TCF7L2: variants seen among roughly 807,000 people sequenced by gnomAD.
TCF7L2 encodes transcription factor 7 like 2.
A neutral mutation model predicts 77.9 loss-of-function variants in TCF7L2; 23 were observed. The ratio of observed to expected loss-of-function variants is 0.30; its 90% CI spans 0.21 to 0.42. The LOEUF (loss-of-function observed/expected upper bound fraction) is 0.42, where lower values mean the gene tolerates loss of function less well. TCF7L2 is among the 10% of genes least tolerant of loss of function. The probability of loss-of-function intolerance (pLI) is 1.00; values close to 1 mark genes in which losing one functional copy is unlikely to be tolerated. For missense variants in TCF7L2, 654 were observed against 793.1 expected, an observed-to-expected ratio of 0.82 and a Z score of 2.11; for synonymous variants, 413 against 340.2, an observed-to-expected ratio of 1.21 and a Z score of -2.36.
intron 5 of TCF7L2, among the ~76,000 whole-genome samples, chr10:113,088,280 C>T (rs754717584): frequency 1.3e-5 from 2 of 152,116 alleles, no homozygotes; most frequent in Non-Finnish European, 2.9e-5. Flanking sequence ...TGGGTCTCTA[C>T]AGCAGGCACC....
chr10:113,155,046 A>G (rs1411967116), intron 11 of TCF7L2, among the ~76,000 whole-genome samples: 1 of 151,844 alleles, frequency 6.6e-6, no homozygotes, highest in African/African-American at 2.4e-5. Flanking sequence ...TGGTCATTGT[A>G]AACTCCAAAA....
intron 4 of TCF7L2, among the ~76,000 whole-genome samples, chr10:113,029,675 C>T (rs1389902569): frequency 2.0e-5 from 3 of 151,912 alleles, no homozygotes; most frequent in African/African-American, 4.8e-5. Context: ...TACAGGCATG[C>T]GCCACCACGT....
intron 8 of TCF7L2, among the ~76,000 whole-genome samples, chr10:113,148,014 A>T (rs996357190): frequency 6.6e-6 from 1 of 152,222 alleles, no homozygotes; most frequent in African/African-American, 2.4e-5. Context: ...ATGGGGCGAC[A>T]GAAGTATAGG....
chr10:113,098,304 G>A (rs1455299542), intron 5 of TCF7L2, among the ~76,000 whole-genome samples: 2 of 151,562 alleles, frequency 1.3e-5, no homozygotes, highest in Non-Finnish European at 2.9e-5. Flanking sequence ...ATCTTCCTTG[G>A]TCAGGTCACT....
intron 5 of TCF7L2, among the ~76,000 whole-genome samples, chr10:113,118,520 G>GGTGTGTGTGTGTGTGT (rs34806588): frequency 1.8e-4 from 25 of 141,524 alleles, no homozygotes; most frequent in East Asian, 6.7e-4. Context: ...TCATCTGGGG[G>GGTGTGTGTGTGTGTGT]GTGTGTGTGT....
At chr10:113,053,425 G>T (rs906574283) in intron 5 of TCF7L2, among the ~76,000 whole-genome samples, 3 of 152,252 alleles carry the variant, frequency 2.0e-5, no homozygotes, top group African/African-American at 7.2e-5. Context: ...GATCCTGCTG[G>T]GCGCAGGCGT....
chr10:113,155,387 T>C (rs1841870812), intron 11 of TCF7L2, among the ~76,000 whole-genome samples: 1 of 152,156 alleles, frequency 6.6e-6, no homozygotes. Flanking sequence ...CTTTCTTCTG[T>C]TACATTTAAA....
chr10:112,971,673 C>T (rs556954789), intron 4 of TCF7L2, among the ~76,000 whole-genome samples: 5 of 150,404 alleles, frequency 3.3e-5, no homozygotes, highest in South Asian at 4.2e-4. Flanking sequence ...AATGCAGTGG[C>T]GTGATGTCGG....
intron 5 of TCF7L2, among the ~76,000 whole-genome samples, chr10:113,046,145 C>G (rs745364073): frequency 6.6e-6 from 1 of 152,128 alleles, no homozygotes; most frequent in Non-Finnish European, 1.5e-5. Flanking sequence ...ACTCTGTCCT[C>G]TGGTGAAGAG....
intron 5 of TCF7L2, among the ~76,000 whole-genome samples, chr10:113,062,476 G>A (rs528546874): frequency 6.6e-6 from 1 of 152,156 alleles, no homozygotes; most frequent in African/African-American, 2.4e-5. Flanking sequence ...TTTTCCTGAC[G>A]TAGAAGTTTC....
chr10:113,158,176 T>C, intron 12 of TCF7L2, 107 bp downstream of exon 12: 1 of 1,212,976 alleles, frequency 8.2e-7, no homozygotes, highest in Non-Finnish European at 1.2e-6. Flanking sequence ...GCCAGGACAT[T>C]GTGGGGGAAC....
chr10:113,141,499 G>A (rs2068376659), intron 6 of TCF7L2, among the ~76,000 whole-genome samples, 183 bp downstream of exon 6: 1 of 152,174 alleles, frequency 6.6e-6, no homozygotes, highest in South Asian at 2.1e-4. Context: ...TTGAGGCCTG[G>A]TGTGGCAGTG....
intron 5 of TCF7L2, among the ~76,000 whole-genome samples, chr10:113,116,079 A>G (rs145785682): frequency 6.6e-6 from 1 of 152,192 alleles, no homozygotes; most frequent in African/African-American, 2.4e-5. Flanking sequence ...AGGTAGATGT[A>G]TGTAGCTGAC....
intron 12 of TCF7L2, 50 bp from the exon 14 acceptor site, chr10:113,159,870 T>C: frequency 1.6e-6 from 1 of 642,974 alleles, no homozygotes; most frequent in East Asian, 5.6e-5. Context: ...TCTCTCTCCC[T>C]TTCTCCCACG....
At chr10:113,119,562 C>T (rs896635080) in intron 5 of TCF7L2, among the ~76,000 whole-genome samples, 8 of 152,002 alleles carry the variant, frequency 5.3e-5, no homozygotes, top group Non-Finnish European at 7.4e-5. Flanking sequence ...TAAGATCAGT[C>T]CTTGAACATA....
intron 5 of TCF7L2, among the ~76,000 whole-genome samples, chr10:113,128,763 C>G (rs895202761): frequency 6.6e-6 from 1 of 152,172 alleles, no homozygotes; most frequent in African/African-American, 2.4e-5. Flanking sequence ...CCACACTCCC[C>G]TCCTTCATGT....
intron 4 of TCF7L2, among the ~76,000 whole-genome samples, chr10:113,021,009 G>A (rs2048185669): frequency 6.6e-6 from 1 of 152,204 alleles, no homozygotes; most frequent in Non-Finnish European, 1.5e-5. Flanking sequence ...CCTAAGCCCT[G>A]TGATCGTTCT....
At position 113,076,529 on chromosome 10, in the gene TCF7L2, T is replaced by C. The variant is rs1047253667; in HGVS notation, c.552+36403T>C. 1.4e-4 allele frequency among the ~76,000 whole-genome samples: 21 copies of C among 152,368 alleles called. No homozygotes were observed. In the South Asian group the frequency reaches 3.3e-3, roughly 24 times the overall value. Reference sequence around the variant, plus strand: ...GCTAATTATTATTTGTTTTAAGTTATAGCTCCAGATTACCTTGTAGGATTA... The same window carrying C: ...GCTAATTATTATTTGTTTTAAGTTACAGCTCCAGATTACCTTGTAGGATTA... On this transcript the variant is annotated intron_variant, in intron 5 of 13. Transcript: ENST00000627217.
At chr10:113,109,044 C>G (rs1000191621) in intron 5 of TCF7L2, among the ~76,000 whole-genome samples, 9 of 152,154 alleles carry the variant, frequency 5.9e-5, no homozygotes, top group African/African-American at 2.2e-4. Context: ...CAATCCCTGC[C>G]GACAGTGTGT....
Sources: allele counts gnomAD v4.1 joint callset (sites outside exome capture counted in the v4.1 genomes callset), GRCh38; gene constraint gnomAD v4.1.1; transcripts MANE v1.5; gene names NCBI Gene and HGNC (gene_info 2026-07-23, HGNC 2026-07-21).